XYLT1: variants seen among roughly 807,000 people sequenced by gnomAD.
The protein encoded by XYLT1 is beta-D-xylosyltransferase 1.
In XYLT1, 36 loss-of-function variants were observed where a neutral mutation model predicts 91.3. The observed-to-expected ratio is 0.39, with a 90% CI of 0.30 to 0.52. XYLT1 has a LOEUF of 0.52. Ranked by LOEUF, XYLT1 falls within the 20% of genes least tolerant of loss-of-function variation. The probability of loss-of-function intolerance (pLI) is 0.68; values close to 1 mark genes in which losing one functional copy is unlikely to be tolerated. For synonymous variants in XYLT1, 588 were observed against 532.0 expected, an observed-to-expected ratio of 1.11 and a Z score of -1.45; for missense variants, 1,242 against 1,284.5, an observed-to-expected ratio of 0.97 and a Z score of 0.51.
At chr16:17,114,106 A>G (rs931844915) in intron 11 of XYLT1, among the ~76,000 whole-genome samples, 2 of 152,190 alleles carry the variant, frequency 1.3e-5, no homozygotes, top group Non-Finnish European at 2.9e-5. Context: ...GGGCACCCCA[A>G]TGCCATGGGG....
intron 1 of XYLT1, among the ~76,000 whole-genome samples, chr16:17,464,708 CATTATT>C (rs758111919): frequency 6.6e-6 from 1 of 151,850 alleles, no homozygotes; most frequent in Admixed American, 6.6e-5. Flanking sequence ...GCCATGCAGT[CATTATT>C]ATTATTATTA....
At chr16:17,349,078 G>A (rs1222450430) in intron 2 of XYLT1, among the ~76,000 whole-genome samples, 2 of 152,226 alleles carry the variant, frequency 1.3e-5, no homozygotes, top group Non-Finnish European at 2.9e-5. Flanking sequence ...TGTGCTGGAA[G>A]GGAAATGTGA....
chr16:17,258,358 A>G (rs1013740184), intron 3 of XYLT1, among the ~76,000 whole-genome samples: 1 of 151,506 alleles, frequency 6.6e-6, no homozygotes, highest in African/African-American at 2.4e-5. Context: ...GGAAGGGGGA[A>G]GAGAGGAAAA....
At chr16:17,198,670 G>C (rs2032478552) in intron 4 of XYLT1, among the ~76,000 whole-genome samples, 1 of 152,152 alleles carries the variant, frequency 6.6e-6, no homozygotes, top group African/African-American at 2.4e-5. Context: ...TGGTTCACTA[G>C]GCTTGGGCTG....
intron 1 of XYLT1, among the ~76,000 whole-genome samples, chr16:17,366,632 C>T (rs1013760378): frequency 5.9e-5 from 9 of 152,138 alleles, no homozygotes; most frequent in African/African-American, 1.2e-4. Context: ...GCGGCAGAGG[C>T]TGCAGTGAGC....
chr16:17,426,334 T>C (rs1304792992), intron 1 of XYLT1, among the ~76,000 whole-genome samples: 2 of 152,138 alleles, frequency 1.3e-5, no homozygotes, highest in Non-Finnish European at 2.9e-5. Flanking sequence ...CCGAGGCAGA[T>C]GGATCACCTG....
intron 1 of XYLT1, among the ~76,000 whole-genome samples, chr16:17,410,320 G>C (rs1032082581): frequency 3.3e-5 from 5 of 152,212 alleles, no homozygotes; most frequent in Non-Finnish European, 5.9e-5. Context: ...ACACATCCGA[G>C]ACTGGGCAAT....
At chr16:17,298,150 A>G (rs2034340654) in intron 2 of XYLT1, among the ~76,000 whole-genome samples, 1 of 152,202 alleles carries the variant, frequency 6.6e-6, no homozygotes, top group Admixed American at 6.5e-5. Context: ...CTCCAAGAGA[A>G]AACCAGACCC....
rs146328925 is a variant in XYLT1 at position 17,342,540 on chromosome 16, G to A, written c.402+15472C>T. On this transcript the variant is annotated intron_variant, in intron 2 of 11. Transcript: ENST00000261381. ...AGTTCGAGACCAGCCGGGCCAACAT[G>A]GTGAAACCCCATCTCTACTAAAAGT... is the stretch of plus-strand genomic sequence containing the variant. Among the ~76,000 whole-genome samples, 32 of 152,236 alleles carry A rather than the reference G, an allele frequency of 2.1e-4. No individual in the cohort carries two copies. The East Asian group carries it at 6.0e-3, about 29-fold the overall frequency.
chr16:17,354,466 G>A (rs1373125522), intron 2 of XYLT1, among the ~76,000 whole-genome samples: 1 of 152,178 alleles, frequency 6.6e-6, no homozygotes, highest in African/African-American at 2.4e-5. Context: ...GGGAGAGAGG[G>A]ATGCGTGAAG....
intron 1 of XYLT1, among the ~76,000 whole-genome samples, chr16:17,410,610 G>A (rs1268954473): frequency 6.6e-6 from 1 of 151,642 alleles, no homozygotes; most frequent in East Asian, 1.9e-4. Flanking sequence ...TGAGATCTGG[G>A]TGGGGACACA....
chr16:17,121,243 G>A (rs972722146), intron 10 of XYLT1, among the ~76,000 whole-genome samples: 1 of 152,210 alleles, frequency 6.6e-6, no homozygotes, highest in Non-Finnish European at 1.5e-5. Context: ...AAAGAAATGA[G>A]GATAAACACT....
Position 17,294,024 on chromosome 16 carries a change from C to G in XYLT1, c.403-34526G>C, listed in dbSNP as rs972965065. 5.9e-5 allele frequency among the ~76,000 whole-genome samples: 9 copies of G among 152,278 alleles called. No individual in the cohort carries two copies. In the South Asian group the frequency reaches 1.9e-3, roughly 32 times the overall value. On this transcript the variant is annotated intron_variant, in intron 2 of 11. Coordinates refer to ENST00000261381, the MANE Select transcript of XYLT1 (RefSeq NM_022166.4). The stretch of plus-strand genomic sequence containing the variant: ...ATCTTGAACAAGTTGCTTAACCACT[C>G]TGGGCCTCACTGTCCTCACCTGTAA...
intron 5 of XYLT1, among the ~76,000 whole-genome samples, chr16:17,161,466 G>A (rs888858742): frequency 1.3e-5 from 2 of 152,068 alleles, no homozygotes; most frequent in African/African-American, 2.4e-5. Flanking sequence ...CGGGCCCCTC[G>A]CTCTCCCTCT....
chr16:17,363,253 G>A (rs947762389), intron 1 of XYLT1, among the ~76,000 whole-genome samples: 1 of 152,228 alleles, frequency 6.6e-6, no homozygotes, highest in Non-Finnish European at 1.5e-5. Context: ...GAATTATTCA[G>A]TGGGAAAAGA....
At chr16:17,177,615 T>A (rs11861938) in intron 5 of XYLT1, among the ~76,000 whole-genome samples, 15,523 of 152,166 alleles carry the variant, frequency 0.1, 883 homozygotes, top group East Asian at 0.18. Flanking sequence ...AGTGACGCCC[T>A]ACAGCTGATA....
intron 2 of XYLT1, among the ~76,000 whole-genome samples, chr16:17,313,465 T>C (rs1210209812): frequency 6.6e-6 from 1 of 152,178 alleles, no homozygotes; most frequent in African/African-American, 2.4e-5. Context: ...AGTGTTGGGC[T>C]CCTTGGAAGG....
chr16:17,455,395 A>C (rs1291809501), intron 1 of XYLT1, among the ~76,000 whole-genome samples: 1 of 152,172 alleles, frequency 6.6e-6, no homozygotes, highest in Non-Finnish European at 1.5e-5. Flanking sequence ...CAATCAAATT[A>C]AATTAGTTAT....
intron 1 of XYLT1, among the ~76,000 whole-genome samples, chr16:17,451,439 C>G (rs936340608): frequency 1.3e-5 from 2 of 152,184 alleles, no homozygotes; most frequent in Non-Finnish European, 2.9e-5. Flanking sequence ...GACTCACTGT[C>G]CCCTCCATCG....
Sources: allele counts gnomAD v4.1 joint callset (sites outside exome capture counted in the v4.1 genomes callset), GRCh38; gene constraint gnomAD v4.1.1; transcripts MANE v1.5; gene names NCBI Gene and HGNC (gene_info 2026-07-23, HGNC 2026-07-21).